The following AKAP12 variants were observed in gnomAD, a reference collection of about 807,000 sequenced individuals.
AKAP12 encodes A-kinase anchor protein 12.
Under a neutral mutation model 79.9 loss-of-function variants are expected in AKAP12, and 32 were observed. The ratio of observed to expected loss-of-function variants is 0.40; its 90% CI spans 0.30 to 0.54. AKAP12 has a LOEUF of 0.54. AKAP12 is among the 20% of genes least tolerant of loss of function. The probability of loss-of-function intolerance (pLI) is 0.48; values close to 1 mark genes in which losing one functional copy is unlikely to be tolerated. For missense variants in AKAP12, 2,074 were observed against 2,177.0 expected, an observed-to-expected ratio of 0.95 and a Z score of 0.94; for synonymous variants, 808 against 857.0, an observed-to-expected ratio of 0.94 and a Z score of 1.00.
intron 2 of AKAP12, among the ~76,000 whole-genome samples, chr6:151,304,686 C>T (rs893711471): frequency 1.3e-5 from 2 of 151,656 alleles, no homozygotes; most frequent in East Asian, 4.0e-4. Context: ...AAGTGATTCT[C>T]CTTCTGCAGC....
In AKAP12 at chr6:151,325,110, CAA is replaced by C. The variant is rs200743918; in HGVS notation, c.319+19209_319+19210del. Reference sequence around the variant, plus strand: ...CAAGTTCACTTCTGAGAGCCCTTCTCAAAGAGTTTAGGAAACAGCACTACTGA... The same window carrying C: ...CAAGTTCACTTCTGAGAGCCCTTCTCAGAGTTTAGGAAACAGCACTACTGA... On this transcript the variant is annotated intron_variant, in intron 3 of 4. Coordinates refer to ENST00000402676, the MANE Select transcript of AKAP12 (RefSeq NM_005100.4). 2.5e-5 allele frequency: 25 copies of C among 985,298 alleles called. No homozygotes were observed. In the East Asian group the frequency reaches 2.6e-3, roughly 103 times the overall value. The allele number at this position is 985,298 out of a possible 1,614,324, so 61.0% of individuals were successfully genotyped here. A position where few individuals can be genotyped will look rare whatever the true frequency, so the allele number is the denominator to read the frequency against.
intron 2 of AKAP12, among the ~76,000 whole-genome samples, chr6:151,282,373 G>A (rs935969677): frequency 6.6e-6 from 1 of 152,134 alleles, no homozygotes; most frequent in African/African-American, 2.4e-5. Context: ...GCCTCCCAAA[G>A]TGCTGGGATT....
intron 2 of AKAP12, among the ~76,000 whole-genome samples, chr6:151,284,228 G>C (rs565738282): frequency 3.9e-5 from 6 of 152,258 alleles, no homozygotes; most frequent in Non-Finnish European, 8.8e-5. Context: ...TCGTTCACCA[G>C]GTATGCAGTG....
intron 2 of AKAP12, among the ~76,000 whole-genome samples, chr6:151,253,361 A>G (rs1464718965): frequency 6.6e-6 from 1 of 152,178 alleles, no homozygotes; most frequent in Non-Finnish European, 1.5e-5. Context: ...ATTTGGATAC[A>G]TATGTAAAAG....
intron 2 of AKAP12, among the ~76,000 whole-genome samples, chr6:151,264,034 C>A (rs549696717): frequency 6.6e-6 from 1 of 152,268 alleles, no homozygotes; most frequent in Non-Finnish European, 1.5e-5. Flanking sequence ...CTGTTCTCAT[C>A]CCTGTCAATG....
chr6:151,348,930 G>C lies in AKAP12; in HGVS notation c.539G>C (p.Gly180Ala). ...TTTAAGAAGGTGTTTAAGTTTGTTG[G>C]CTTTAAATTCACTGTGAAAAAGGAT... ...IGFKKVFKFV[G>A]FKFTVKKDKT... The change falls in exon 4 of 5, where the codon GGC (glycine) becomes GCC (alanine). Residue 180 changes from glycine (G) to alanine (A), a missense_variant. Physicochemically the swap from Gly to Ala is moderately conservative, Grantham distance 60. This residue lies in a region of AKAP12 where 1,428 missense variants were observed against 1,451.0 expected (regional missense o/e 0.98). Coordinates refer to ENST00000402676, the MANE Select transcript of AKAP12 (RefSeq NM_005100.4). 1 of 1,614,056 alleles carries C rather than the reference G, an allele frequency of 6.2e-7. No individual in the cohort carries two copies. The highest frequency in any genetic ancestry group is 8.5e-7 in the Non-Finnish European group (1 of 1,180,000).
At position 151,352,815 on chromosome 6, in the gene AKAP12, C is replaced by T. The variant is rs1398805477; in HGVS notation, c.4424C>T (p.Thr1475Ile). The T allele has an allele frequency of 1.2e-6, 2 of 1,614,046 alleles. No individual in the cohort carries two copies. Among genetic ancestry groups the T allele is most frequent in the East Asian group, 4.5e-5 (2 of 44,886 alleles). The change falls in exon 4 of 5, where the codon ACA (threonine) becomes ATA (isoleucine). Residue 1475 changes from threonine to isoleucine, a missense_variant. Physicochemically the swap from Thr to Ile is moderately conservative, Grantham distance 89. Coordinates refer to ENST00000402676, the MANE Select transcript of AKAP12 (RefSeq NM_005100.4). ...CATCCAGGGGAAGATGCTGTGCCCA[C>T]AGGGCCCGACTGTCAGGCAAAATCG... ...AAHPGEDAVPTGPDCQAKSTP... is the reference protein window; with the variant it reads ...AAHPGEDAVPIGPDCQAKSTP...
chr6:151,292,168 A>G (rs1216591950), intron 2 of AKAP12, among the ~76,000 whole-genome samples: 1 of 152,232 alleles, frequency 6.6e-6, no homozygotes, highest in East Asian at 1.9e-4. Context: ...TGAACATAAT[A>G]GGATAATCAC....
At chr6:151,312,635 CA>C (rs1432753886) in intron 3 of AKAP12, among the ~76,000 whole-genome samples, 8 of 151,658 alleles carry the variant, frequency 5.3e-5, no homozygotes, top group Non-Finnish European at 8.8e-5. Flanking sequence ...ACTAAAAATA[CA>C]AAAAAATTAG....
chr6:151,344,984 G>A (rs769781846), intron 3 of AKAP12, among the ~76,000 whole-genome samples: 17 of 152,288 alleles, frequency 1.1e-4, no homozygotes, highest in Non-Finnish European at 1.8e-4. Flanking sequence ...TGGAAGGAAT[G>A]TATGGATTTG....
At chr6:151,312,793 CAAAA>C (rs55685824) in intron 3 of AKAP12, among the ~76,000 whole-genome samples, 2 of 73,010 alleles carry the variant, frequency 2.7e-5, no homozygotes, top group African/African-American at 5.5e-5. Context: ...ACTCTGTCTC[CAAAA>C]AAAAAAAAAA....
At chr6:151,251,597 T>C (rs1206421052) in intron 2 of AKAP12, among the ~76,000 whole-genome samples, 1 of 152,212 alleles carries the variant, frequency 6.6e-6, no homozygotes, top group African/African-American at 2.4e-5. Context: ...GATGTTGGTT[T>C]CAGTTATCTA....
intron 2 of AKAP12, among the ~76,000 whole-genome samples, chr6:151,282,464 A>G (rs1305047837): frequency 6.6e-6 from 1 of 152,134 alleles, no homozygotes; most frequent in African/African-American, 2.4e-5. Context: ...TCCAGCCCAC[A>G]TGCCCAACCT....
At chr6:151,245,881 G>A (rs1797065183) in intron 2 of AKAP12, among the ~76,000 whole-genome samples, 1 of 152,124 alleles carries the variant, frequency 6.6e-6, no homozygotes, top group South Asian at 2.1e-4. Flanking sequence ...GCACATGAAA[G>A]TAGATAAAAA....
intron 2 of AKAP12, among the ~76,000 whole-genome samples, chr6:151,255,888 T>C (rs1203337229): frequency 6.6e-6 from 1 of 152,218 alleles, no homozygotes; most frequent in East Asian, 1.9e-4. Context: ...GCCTTTTAAC[T>C]GAACTTGAAC....
rs1451200691 is a variant in AKAP12, at chr6:151,357,510, G to A, written c.*1796G>A. On this transcript the variant is annotated 3_prime_UTR_variant, in exon 5 of 5. Transcript: ENST00000402676. ...AGAAAGTTTGCTTTTAAAACTGAAA[G>A]TAGTTTCTTTTTGCTAACAAATCTA... The A allele has an allele frequency of 1.3e-5, 2 of 152,274 alleles. No individual in the cohort carries two copies. Among genetic ancestry groups the A allele is most frequent in the Non-Finnish European group, 2.9e-5 (2 of 68,024 alleles). 9.4% of individuals were successfully genotyped at this position (152,274 alleles called of 1,614,324 possible). A position where few individuals can be genotyped will look rare whatever the true frequency, so the allele number is the denominator to read the frequency against.
At chr6:151,275,366 G>A (rs764444461) in intron 2 of AKAP12, among the ~76,000 whole-genome samples, 1 of 152,104 alleles carries the variant, frequency 6.6e-6, no homozygotes, top group South Asian at 2.1e-4. Flanking sequence ...ATTTGCTTTC[G>A]GGATGTTGAG....
chr6:151,242,348 C>T (rs966454730), intron 2 of AKAP12, among the ~76,000 whole-genome samples: 1 of 152,076 alleles, frequency 6.6e-6, no homozygotes, highest in African/African-American at 2.4e-5. Flanking sequence ...TTCTCTTTTT[C>T]CGTCTTCCAT....
intron 3 of AKAP12, among the ~76,000 whole-genome samples, chr6:151,316,371 C>T (rs538007299): frequency 5.3e-5 from 8 of 152,238 alleles, no homozygotes; most frequent in East Asian, 1.9e-4. Flanking sequence ...TTAGACCAAC[C>T]GCAGGCATAA....
Sources: allele counts gnomAD v4.1 joint callset (sites outside exome capture counted in the v4.1 genomes callset), GRCh38; gene constraint gnomAD v4.1.1; regional missense constraint gnomAD v4.1.1; transcripts MANE v1.5; gene names NCBI Gene and HGNC (gene_info 2026-07-23, HGNC 2026-07-21).